PGBD2: variants seen among roughly 807,000 people sequenced by gnomAD.
PGBD2 encodes piggyBac transposable element derived 2.
In PGBD2, 6 loss-of-function variants were observed where a neutral mutation model predicts 8.1. That is an observed-to-expected ratio of 0.74 (90% confidence interval 0.40 to 1.46). The LOEUF is 1.46. Ranked by LOEUF, PGBD2 falls within the 40% of genes most tolerant of loss-of-function variation. PGBD2 has a pLI of 0.02. For synonymous variants in PGBD2, 318 were observed against 272.2 expected (o/e 1.17, Z -1.66); for missense variants, 802 against 739.0 (o/e 1.09, Z -0.99).
chr1:248,918,139 T>C lies in PGBD2; in HGVS notation c.1555T>C (p.Tyr519His). The change falls in exon 3 of 3, where the codon TAC becomes CAC. Residue 519 changes from tyrosine to histidine, a missense_variant. Tyr to His is a moderately conservative substitution (Grantham distance 83, BLOSUM62 2). Transcript: ENST00000329291. Reference sequence around the variant, plus strand: ...GGTGGACCTCCTTGCCTTCCGGAGATACATTGCCTGTGTGTATCTGGAGAG... The same window carrying C: ...GGTGGACCTCCTTGCCTTCCGGAGACACATTGCCTGTGTGTATCTGGAGAG... ...AQVDLLAFRRYIACVYLESNA... is the reference protein window; with the variant it reads ...AQVDLLAFRRHIACVYLESNA... 3 of 1,614,204 alleles carry C rather than the reference T, an allele frequency of 1.9e-6. No homozygotes were observed. The highest frequency in any genetic ancestry group is 2.2e-5 in the South Asian group (2 of 91,084).
chr1:248,922,069 T>A (rs1421586659), downstream of PGBD2, among the ~76,000 whole-genome samples: 1 of 151,206 alleles, frequency 6.6e-6, no homozygotes, highest in Admixed American at 6.6e-5. Context: ...TTTCTTTTTT[T>A]TTTTTTTTGA....
chr1:248,873,469 T>C, the PGBD2 span, among the ~76,000 whole-genome samples: 1 of 152,236 alleles, frequency 6.6e-6, no homozygotes, highest in Non-Finnish European at 1.5e-5. Flanking sequence ...AAAGCATCCA[T>C]TCGTCACTTA....
chr1:248,890,206 G>A, the PGBD2 span, among the ~76,000 whole-genome samples: 8 of 152,052 alleles, frequency 5.3e-5, no homozygotes, highest in South Asian at 8.3e-4. Context: ...GGTTACAGGC[G>A]TGAGTCTCTG....
At chr1:248,928,626 C>T in the PGBD2 span, among the ~76,000 whole-genome samples, 1 of 152,092 alleles carries the variant, frequency 6.6e-6, no homozygotes, top group South Asian at 2.1e-4. Flanking sequence ...GTTCTCTTTC[C>T]ACTGCATTCC....
intron 1 of PGBD2, chr1:248,906,593 G>C (rs1414482865): frequency 1.4e-5 from 2 of 142,730 alleles, no homozygotes; most frequent in African/African-American, 2.6e-5. Context: ...GGGGTGGGTG[G>C]GGACCAGGGC....
chr1:248,911,339 C>G (rs1188567736), intron 1 of PGBD2, among the ~76,000 whole-genome samples: 3 of 151,276 alleles, frequency 2.0e-5, no homozygotes, highest in Non-Finnish European at 2.9e-5. Flanking sequence ...ATCCTGCCTT[C>G]AAGCATCTGT....
downstream of PGBD2, among the ~76,000 whole-genome samples, chr1:248,923,014 A>G (rs1049619832): frequency 2.6e-5 from 4 of 152,164 alleles, no homozygotes; most frequent in African/African-American, 9.7e-5. Context: ...ATTGTTTGGA[A>G]TAGTTTCAGA....
the PGBD2 span, among the ~76,000 whole-genome samples, chr1:248,895,280 T>C: frequency 6.6e-6 from 1 of 152,188 alleles, no homozygotes; most frequent in Non-Finnish European, 1.5e-5. Flanking sequence ...GGACCAGTCC[T>C]GCCCACAGAG....
the PGBD2 span, among the ~76,000 whole-genome samples, chr1:248,888,098 T>C: frequency 1.3e-4 from 20 of 152,228 alleles, 1 homozygote; most frequent in East Asian, 3.3e-3. Context: ...TTCTATTCTT[T>C]TTTTATGGTA....
chr1:248,879,871 A>G, the PGBD2 span, among the ~76,000 whole-genome samples: 1 of 152,080 alleles, frequency 6.6e-6, no homozygotes, highest in African/African-American at 2.4e-5. Context: ...CTGCTCATGA[A>G]TTTGTAAATA....
At chr1:248,923,890 T>C (rs1030865495), downstream of PGBD2, among the ~76,000 whole-genome samples, 2 of 152,238 alleles carry the variant, frequency 1.3e-5, no homozygotes, top group African/African-American at 4.8e-5. Flanking sequence ...AGGAGAACTT[T>C]CTCTGGACCA....
chr1:248,884,272 A>T, the PGBD2 span, among the ~76,000 whole-genome samples: 3 of 152,170 alleles, frequency 2.0e-5, no homozygotes, highest in Non-Finnish European at 4.4e-5. Flanking sequence ...ATTTCAGCCC[A>T]ACGAAACCAG....
At chr1:248,894,954 A>C in the PGBD2 span, among the ~76,000 whole-genome samples, 95 of 152,138 alleles carry the variant, frequency 6.2e-4, 1 homozygote, top group African/African-American at 1.6e-3. Flanking sequence ...TATGGCCTGC[A>C]TCTGGCTATT....
chr1:248,924,850 CTG>C (rs143581456), downstream of PGBD2, among the ~76,000 whole-genome samples: 2,084 of 152,232 alleles, frequency 0.014, 55 homozygotes, highest in African/African-American at 0.048. Flanking sequence ...GGCAGGGTGT[CTG>C]TTTTTCTTAC....
At chr1:248,913,080 G>T (rs1283886385) in intron 1 of PGBD2, among the ~76,000 whole-genome samples, 1 of 152,122 alleles carries the variant, frequency 6.6e-6, no homozygotes, top group South Asian at 2.1e-4. Flanking sequence ...GGGATTACAG[G>T]TGTGAGCCAC....
chr1:248,875,416 C>T, the PGBD2 span, among the ~76,000 whole-genome samples: 1 of 151,954 alleles, frequency 6.6e-6, no homozygotes, highest in African/African-American at 2.4e-5. Flanking sequence ...CATGTCACAC[C>T]TAAGAAAATT....
At chr1:248,880,562 G>A in the PGBD2 span, among the ~76,000 whole-genome samples, 6 of 152,206 alleles carry the variant, frequency 3.9e-5, no homozygotes, top group Non-Finnish European at 7.3e-5. Context: ...CTGAAGATGG[G>A]TAATGCAGTG....
the PGBD2 span, among the ~76,000 whole-genome samples, chr1:248,876,085 C>G: frequency 3.3e-5 from 5 of 151,370 alleles, no homozygotes; most frequent in Non-Finnish European, 5.9e-5. Flanking sequence ...CTTGGCTCAC[C>G]GCAACCTCCG....
the PGBD2 span, among the ~76,000 whole-genome samples, chr1:248,927,928 T>C: frequency 6.6e-6 from 1 of 152,070 alleles, no homozygotes; most frequent in Non-Finnish European, 1.5e-5. Context: ...CAAAGTAATA[T>C]ACTGTAAAAA....
Sources: gnomAD v4.1 joint callset for allele counts (sites outside exome capture counted in the v4.1 genomes callset) on GRCh38, gnomAD v4.1.1 for gene constraint, MANE v1.5 for transcripts, NCBI Gene and HGNC (gene_info 2026-07-23, HGNC 2026-07-21) for gene names.